The following ASB3 variants were observed in gnomAD, a reference collection of about 807,000 sequenced individuals.
The protein encoded by ASB3 is ankyrin repeat and SOCS box containing 3.
ASB3 carries 41 observed loss-of-function variants against 54.5 expected under a neutral mutation model. The ratio of observed to expected loss-of-function variants is 0.75; its 90% CI spans 0.59 to 0.98. The LOEUF (loss-of-function observed/expected upper bound fraction) is 0.98, where lower values mean the gene tolerates loss of function less well. Among genes scored for constraint, ASB3 ranks in the 50% least tolerant of loss-of-function variants. The probability of loss-of-function intolerance (pLI) is 0.00; values close to 1 mark genes in which losing one functional copy is unlikely to be tolerated. For missense variants in ASB3, 733 were observed against 620.0 expected (o/e 1.18, Z -1.94); for synonymous variants, 266 against 221.2 (o/e 1.20, Z -1.80).
At chr2:53,688,644 G>C (rs566419329) in intron 9 of ASB3, among the ~76,000 whole-genome samples, 3 of 152,148 alleles carry the variant, frequency 2.0e-5, no homozygotes, top group Admixed American at 6.5e-5. Flanking sequence ...CTTCTCCATA[G>C]CTAGAAAGTG....
At chr2:53,726,765 T>G (rs1025119833) in intron 5 of ASB3, among the ~76,000 whole-genome samples, 1 of 151,366 alleles carries the variant, frequency 6.6e-6, no homozygotes, top group East Asian at 2.0e-4. Context: ...GGTGCGATCT[T>G]AGCTCACTAC....
chr2:53,693,853 TG>T, intron 9 of ASB3, 30 bp downstream of exon 9: 2 of 1,605,360 alleles, frequency 1.2e-6, no homozygotes, highest in Non-Finnish European at 1.7e-6. Flanking sequence ...GGAAAAGTAG[TG>T]AAGTGTGTTT....
At chr2:53,778,962 C>T (rs2692532) in intron 1 of ASB3, among the ~76,000 whole-genome samples, 77,048 of 152,024 alleles carry the variant, frequency 0.51, 19,813 homozygotes, top group East Asian at 0.62. Context: ...GGAACTGCCA[C>T]TGTTTTCCAT....
intron 1 of ASB3, among the ~76,000 whole-genome samples, chr2:53,783,077 A>AT (rs538458037): frequency 0.01 from 1,532 of 149,184 alleles, 23 homozygotes; most frequent in African/African-American, 0.033. Flanking sequence ...CCCGCCAAGA[A>AT]TTTTTTTTTT....
chr2:53,729,389 A>C, intron 4 of ASB3, 69 bp downstream of exon 4: 5 of 1,521,884 alleles, frequency 3.3e-6, no homozygotes, highest in Non-Finnish European at 4.5e-6. Context: ...AAAACTGCAT[A>C]GGACTGTCAT....
chr2:53,782,972 G>C (rs1301267907), intron 1 of ASB3, among the ~76,000 whole-genome samples: 1 of 152,008 alleles, frequency 6.6e-6, no homozygotes. Context: ...TTTTCGGAGA[G>C]ACAGGGTTTC....
Position 53,696,450 on chromosome 2 carries a change from TA to T in ASB3, c.1239-2437del, listed in dbSNP as rs3836012. On this transcript the variant is annotated intron_variant, in intron 8 of 9. Transcript: ENST00000263634. ...TAAATTACAAAGCCTTCTAAGAGAA[TA>T]AAGCTAAATAAATCCTTCTGCCTCC... 3.7e-4 allele frequency among the ~76,000 whole-genome samples: 56 copies of T among 152,246 alleles called. 1 individual carries two copies. In the East Asian group the frequency reaches 9.3e-3, roughly 25 times the overall value.
At chr2:53,674,300 T>A (rs888819493) in intron 9 of ASB3, among the ~76,000 whole-genome samples, 1 of 152,222 alleles carries the variant, frequency 6.6e-6, no homozygotes, top group African/African-American at 2.4e-5. Context: ...GACCCAATCA[T>A]TTTTATTCAA....
chr2:53,759,815 G>A (rs1422342794), intron 2 of ASB3, among the ~76,000 whole-genome samples: 1 of 152,202 alleles, frequency 6.6e-6, no homozygotes, highest in East Asian at 1.9e-4. Context: ...GGTCCTCTGA[G>A]TCAGAAGCCA....
intron 9 of ASB3, among the ~76,000 whole-genome samples, chr2:53,674,303 T>C (rs539304327): frequency 6.6e-6 from 1 of 152,228 alleles, no homozygotes; most frequent in Non-Finnish European, 1.5e-5. Context: ...CCAATCATTT[T>C]TATTCAATAT....
chr2:53,697,170 G>C (rs770357479), intron 8 of ASB3, among the ~76,000 whole-genome samples: 1 of 152,174 alleles, frequency 6.6e-6, no homozygotes, highest in African/African-American at 2.4e-5. Context: ...GCATTAGCAT[G>C]CTAGAAGACA....
intron 3 of ASB3, among the ~76,000 whole-genome samples, chr2:53,735,602 C>G (rs1271788597): frequency 1.3e-5 from 2 of 150,926 alleles, no homozygotes; most frequent in East Asian, 3.9e-4. Context: ...AATCAAAATA[C>G]CCAAAGGTGC....
intron 8 of ASB3, among the ~76,000 whole-genome samples, chr2:53,696,289 C>T (rs569805267): frequency 6.6e-6 from 1 of 152,246 alleles, no homozygotes; most frequent in Admixed American, 6.5e-5. Context: ...TTCTACTTTA[C>T]TAGTTCTTAA....
At chr2:53,691,064 G>A (rs998345035) in intron 9 of ASB3, among the ~76,000 whole-genome samples, 2 of 152,184 alleles carry the variant, frequency 1.3e-5, no homozygotes, top group African/African-American at 4.8e-5. Flanking sequence ...AGGTATGTAA[G>A]AGGCACTTGA....
chr2:53,754,039 C>T (rs534595647), intron 2 of ASB3, among the ~76,000 whole-genome samples: 4 of 152,086 alleles, frequency 2.6e-5, no homozygotes, highest in South Asian at 2.1e-4. Flanking sequence ...TACAAAGAGT[C>T]GGAGCACACT....
intron 9 of ASB3, among the ~76,000 whole-genome samples, chr2:53,671,718 C>T (rs1667831679): frequency 1.8e-5 from 2 of 113,692 alleles, no homozygotes; most frequent in Non-Finnish European, 4.0e-5. Flanking sequence ...GAGATCATGC[C>T]ACTGCACTCC....
intron 9 of ASB3, among the ~76,000 whole-genome samples, chr2:53,691,329 A>G (rs1038576301): frequency 6.6e-6 from 1 of 152,204 alleles, no homozygotes; most frequent in Non-Finnish European, 1.5e-5. Context: ...TCAAATAAAA[A>G]ATGGGAGAAA....
chr2:53,783,969 C>G (rs1674794819), intron 1 of ASB3, among the ~76,000 whole-genome samples: 1 of 152,182 alleles, frequency 6.6e-6, no homozygotes, highest in South Asian at 2.1e-4. Flanking sequence ...ATGCAACTGA[C>G]TTGTAAAGCA....
chr2:53,765,748 C>G (rs150988873), intron 1 of ASB3, among the ~76,000 whole-genome samples, 163 bp from the exon 2 acceptor site: 2 of 152,310 alleles, frequency 1.3e-5, no homozygotes, highest in African/African-American at 4.8e-5. Context: ...CTGCTGGTGC[C>G]TAAAGCAGGA....
Sources: allele counts gnomAD v4.1 joint callset (sites outside exome capture counted in the v4.1 genomes callset), GRCh38; gene constraint gnomAD v4.1.1; transcripts MANE v1.5; gene names NCBI Gene and HGNC (gene_info 2026-07-23, HGNC 2026-07-21).